Variants in DRC11 observed in about 807,000 individuals in gnomAD.
DRC11 encodes IQ and AAA domain-containing protein 1.
the DRC11 span, among the ~76,000 whole-genome samples, chr2:236,417,301 G>C: frequency 6.6e-6 from 1 of 152,140 alleles, no homozygotes; most frequent in African/African-American, 2.4e-5. Context: ...GACTGCACAG[G>C]CTATCCCTTT....
At chr2:236,425,334 T>G in the DRC11 span, among the ~76,000 whole-genome samples, 1 of 152,048 alleles carries the variant, frequency 6.6e-6, no homozygotes, top group Non-Finnish European at 1.5e-5. Context: ...GTCTTTTGTC[T>G]TTTTGATAAC....
chr2:236,496,683 C>T, the DRC11 span, among the ~76,000 whole-genome samples: 2 of 152,252 alleles, frequency 1.3e-5, no homozygotes, highest in East Asian at 3.9e-4. This position sits in a 1 kb window ranked among gnomAD's most constrained non-coding sequence, Gnocchi z 6.3. Flanking sequence ...TGTCTGAGGC[C>T]CACTGCCATG....
chr2:236,391,386 C>T, the DRC11 span: 1 of 152,648 alleles, frequency 6.6e-6, no homozygotes, highest in Admixed American at 6.5e-5. The surrounding 1 kb of genome is among the most constrained non-coding windows in gnomAD (Gnocchi z 4.5). Context: ...TGCCTATGCT[C>T]ATGCCAGCAC....
At chr2:236,363,877 T>G in the DRC11 span, 2 of 1,613,994 alleles carry the variant, frequency 1.2e-6, no homozygotes, top group Non-Finnish European at 1.7e-6. This position sits in a 1 kb window ranked among gnomAD's most constrained non-coding sequence, Gnocchi z 5.6. Context: ...GGCTCCCGTT[T>G]CGGTGCAGAT....
the DRC11 span, among the ~76,000 whole-genome samples, chr2:236,345,425 A>T: frequency 1.3e-5 from 2 of 152,148 alleles, no homozygotes; most frequent in African/African-American, 2.4e-5. Flanking sequence ...CTTGAAAGAA[A>T]CCCACAGTTT....
At chr2:236,415,554 A>G in the DRC11 span, among the ~76,000 whole-genome samples, 1 of 152,216 alleles carries the variant, frequency 6.6e-6, no homozygotes, top group Non-Finnish European at 1.5e-5. The surrounding 1 kb of genome is among the most constrained non-coding windows in gnomAD (Gnocchi z 5.7). Context: ...TTTTTATTAG[A>G]GATGACCATT....
chr2:236,493,141 A>G, the DRC11 span, among the ~76,000 whole-genome samples: 3 of 152,200 alleles, frequency 2.0e-5, no homozygotes, highest in South Asian at 2.1e-4. Context: ...ATATGGCGGC[A>G]GACAAGACAG....
chr2:236,450,095 T>C, the DRC11 span, among the ~76,000 whole-genome samples: 2 of 152,182 alleles, frequency 1.3e-5, no homozygotes, highest in African/African-American at 4.8e-5. Flanking sequence ...AAATAGGAAC[T>C]ATGTAATTAA....
chr2:236,455,528 C>T, the DRC11 span, among the ~76,000 whole-genome samples: 1 of 152,124 alleles, frequency 6.6e-6, no homozygotes, highest in African/African-American at 2.4e-5. This position sits in a 1 kb window ranked among gnomAD's most constrained non-coding sequence, Gnocchi z 5.7. Context: ...GAGGGAGGAA[C>T]GTGAAGACGC....
At chr2:236,403,608 T>G in the DRC11 span, among the ~76,000 whole-genome samples, 1 of 152,196 alleles carries the variant, frequency 6.6e-6, no homozygotes, top group Non-Finnish European at 1.5e-5. Context: ...GCTGGATGAA[T>G]AGGTGTAACA....
chr2:236,505,296 C>T, the DRC11 span, among the ~76,000 whole-genome samples: 4 of 152,136 alleles, frequency 2.6e-5, no homozygotes, highest in African/African-American at 4.8e-5. Context: ...TATGCACTTC[C>T]GTGGGAACTC....
At chr2:236,466,173 T>C in the DRC11 span, among the ~76,000 whole-genome samples, 1 of 152,192 alleles carries the variant, frequency 6.6e-6, no homozygotes, top group East Asian at 1.9e-4. Flanking sequence ...TTAAAAATTA[T>C]ACATCTTATT....
At chr2:236,474,516 C>A in the DRC11 span, among the ~76,000 whole-genome samples, 2 of 152,118 alleles carry the variant, frequency 1.3e-5, no homozygotes, top group African/African-American at 2.4e-5. Flanking sequence ...TAAAATGGAA[C>A]TCTAATTAAA....
the DRC11 span, among the ~76,000 whole-genome samples, chr2:236,498,445 C>T: frequency 2.0e-5 from 3 of 146,726 alleles, no homozygotes; most frequent in African/African-American, 7.8e-5. Flanking sequence ...AGCCTGGCAA[C>T]AGAGCGAGAC....
the DRC11 span, among the ~76,000 whole-genome samples, chr2:236,342,415 C>G: frequency 6.6e-6 from 1 of 152,284 alleles, no homozygotes; most frequent in Non-Finnish European, 1.5e-5. The surrounding 1 kb of genome is among the most constrained non-coding windows in gnomAD (Gnocchi z 5.8). Flanking sequence ...CTTTTGGTCA[C>G]CTTCAGAATG....
chr2:236,396,041 T>A, the DRC11 span, among the ~76,000 whole-genome samples: 1 of 152,278 alleles, frequency 6.6e-6, no homozygotes, highest in Admixed American at 6.5e-5. Context: ...CAGAGCCGTT[T>A]TGCCCATTTC....
At chr2:236,402,271 T>A in the DRC11 span, among the ~76,000 whole-genome samples, 1 of 152,218 alleles carries the variant, frequency 6.6e-6, no homozygotes, top group Admixed American at 6.5e-5. The surrounding 1 kb of genome is among the most constrained non-coding windows in gnomAD (Gnocchi z 6.0). Context: ...CACAGCCCCC[T>A]GAGACCACGG....
the DRC11 span, among the ~76,000 whole-genome samples, chr2:236,420,740 G>A: frequency 6.6e-6 from 1 of 152,154 alleles, no homozygotes; most frequent in African/African-American, 2.4e-5. The surrounding 1 kb of genome is among the most constrained non-coding windows in gnomAD (Gnocchi z 4.8). Context: ...AGCCTGGAAG[G>A]TAGAGGCTGC....
the DRC11 span, among the ~76,000 whole-genome samples, chr2:236,466,970 C>T: frequency 6.6e-6 from 1 of 152,214 alleles, no homozygotes; most frequent in South Asian, 2.1e-4. Context: ...TTTGGCCCCT[C>T]CCACTTGAAT....
Sources: gnomAD v4.1 joint callset for allele counts (sites outside exome capture counted in the v4.1 genomes callset) on GRCh38, gnomAD v4.1.1 for gene constraint, Gnocchi (gnomAD v3.1) non-coding constraint, MANE v1.5 for transcripts, NCBI Gene and HGNC (gene_info 2026-07-23, HGNC 2026-07-21) for gene names.